GFRA1: variants seen among roughly 807,000 people sequenced by gnomAD.
GFRA1 encodes the protein GDNF family receptor alpha 1, also known as GDNF family receptor alpha-1.
In GFRA1, 16 loss-of-function variants were observed where a neutral mutation model predicts 51.6. That is an observed-to-expected ratio of 0.31 (90% CI 0.21 to 0.47). The LOEUF is 0.47. Among genes scored for constraint, GFRA1 ranks in the 20% least tolerant of loss-of-function variants. GFRA1 has a pLI of 1.00. For missense variants in GFRA1, 530 were observed against 594.3 expected, an observed-to-expected ratio of 0.89 and a Z score of 1.13; for synonymous variants, 270 against 241.3, an observed-to-expected ratio of 1.12 and a Z score of -1.10.
chr10:116,118,458 C>T (rs958567024), intron 6 of GFRA1, among the ~76,000 whole-genome samples: 1 of 152,152 alleles, frequency 6.6e-6, no homozygotes, highest in African/African-American at 2.4e-5. Context: ...ATGACAGTCC[C>T]CAAGGCCCCT....
At chr10:116,200,721 T>G (rs553973529) in intron 5 of GFRA1, among the ~76,000 whole-genome samples, 23 of 152,318 alleles carry the variant, frequency 1.5e-4, no homozygotes, top group Non-Finnish European at 2.9e-5. Flanking sequence ...TCTCTGGTCT[T>G]TTTTTATAAG....
In GFRA1 at chr10:116,272,142, C is replaced by A. The variant is rs1219092326; in HGVS notation, c.-113G>T. The A allele has an allele frequency of 1.4e-5, 13 of 950,934 alleles. No individual in the cohort carries two copies. Among genetic ancestry groups the A allele is most frequent in the Non-Finnish European group, 2.2e-5 (13 of 603,512 alleles). 58.9% of individuals were successfully genotyped at this position (950,934 alleles called of 1,614,324 possible). A position where few individuals can be genotyped will look rare whatever the true frequency, so the allele number is the denominator to read the frequency against. ...CCCCGGACAGCTGTGCTGCTCTGGCCGCCCAAAGTTCAGCTCCATCCAGTG... is the reference window on the plus strand; with the variant it reads ...CCCCGGACAGCTGTGCTGCTCTGGCAGCCCAAAGTTCAGCTCCATCCAGTG... On this transcript the variant is annotated 5_prime_UTR_variant, in exon 2 of 11. Coordinates refer to ENST00000355422, the MANE Select transcript of GFRA1 (RefSeq NM_005264.8). This position sits in a 1 kb window ranked among gnomAD's most constrained non-coding sequence, Gnocchi z 4.4.
Position 116,216,991 on chromosome 10 carries a change from G to A in GFRA1, c.419-5346C>T, listed in dbSNP as rs116850828. 5.3e-3 allele frequency among the ~76,000 whole-genome samples: 811 copies of A among 152,252 alleles called. 6 individuals are homozygous for A. Among genetic ancestry groups the A allele is most frequent in the Non-Finnish European group, 7.6e-3 (514 of 68,016 alleles). ...CATGAAGAGTAACAAGAATTCAGTC[G>A]GTACATTTCTTCTGCAAATCTCTGT... On this transcript the variant is annotated intron_variant, in intron 4 of 10. Coordinates refer to ENST00000355422, the MANE Select transcript of GFRA1 (RefSeq NM_005264.8).
At chr10:116,075,647 C>G (rs541894119) in intron 9 of GFRA1, among the ~76,000 whole-genome samples, 70 of 152,022 alleles carry the variant, frequency 4.6e-4, no homozygotes, top group African/African-American at 1.6e-3. Flanking sequence ...GTCTCCTTTT[C>G]TTAAAAAAAA....
At chr10:116,188,807 C>CAAGT (rs1565637370) in intron 5 of GFRA1, among the ~76,000 whole-genome samples, 2 of 149,434 alleles carry the variant, frequency 1.3e-5, no homozygotes, top group Non-Finnish European at 3.0e-5. Context: ...GGCTGAGGCA[C>CAAGT]GAGAATCACT....
At position 116,145,257 on chromosome 10, in the gene GFRA1, C is replaced by T. The variant is rs191545255; in HGVS notation, c.434-19700G>A. ...CACAGACTAGGAAAAGATAGATGGACTCACAAAGTGACAAAATAATGATTT... is the reference window on the plus strand; with the variant it reads ...CACAGACTAGGAAAAGATAGATGGATTCACAAAGTGACAAAATAATGATTT... On this transcript the variant is annotated intron_variant, in intron 5 of 10. Transcript: ENST00000355422. 6.0e-5 allele frequency among the ~76,000 whole-genome samples: 9 copies of T among 149,428 alleles called. No individual in the cohort carries two copies. The East Asian group carries it at 1.6e-3, about 26-fold the overall frequency.
rs149873865 is a variant in GFRA1, at chr10:116,073,570, T to G, written c.1198-7944A>C. On this transcript the variant is annotated intron_variant, in intron 9 of 10. Transcript: ENST00000355422. ...TTGGGGTGAGGGCGGCTGTTTTGTATAGCGAACATTCAGCATTAATGGTAT... is the reference window on the plus strand; with the variant it reads ...TTGGGGTGAGGGCGGCTGTTTTGTAGAGCGAACATTCAGCATTAATGGTAT... 3.9e-4 allele frequency among the ~76,000 whole-genome samples: 60 copies of G among 152,310 alleles called. No homozygotes were observed. In the East Asian group the frequency reaches 9.3e-3, roughly 24 times the overall value.
At chr10:116,123,665 G>A (rs1394058732) in intron 6 of GFRA1, among the ~76,000 whole-genome samples, 1 of 152,146 alleles carries the variant, frequency 6.6e-6, no homozygotes, top group Admixed American at 6.5e-5. Flanking sequence ...CCATCTGCTT[G>A]TCCACTGGCT....
Position 116,244,790 on chromosome 10 carries a change from T to C in GFRA1, c.418+24713A>G, listed in dbSNP as rs1967731310. ...AGAGAAGTAAAAGAATAGAGAAGTA[T>C]TAGAAGAGGGTAATTGCAAAATTTT... On this transcript the variant is annotated intron_variant, in intron 4 of 10. Transcript: ENST00000355422. Among the ~76,000 whole-genome samples, 6 of 151,966 alleles carry C rather than the reference T, an allele frequency of 3.9e-5. No homozygotes were observed. The South Asian group carries it at 1.2e-3, about 32-fold the overall frequency.
chr10:116,217,882 AT>A (rs1399497703), intron 4 of GFRA1, among the ~76,000 whole-genome samples: 5 of 152,220 alleles, frequency 3.3e-5, no homozygotes, highest in Non-Finnish European at 1.5e-5. Context: ...TAGTATTATT[AT>A]TCAAAAAACA....
intron 5 of GFRA1, among the ~76,000 whole-genome samples, chr10:116,148,504 C>A (rs1182549962): frequency 1.1e-4 from 1 of 9,490 alleles, no homozygotes; most frequent in African/African-American, 4.1e-4. Context: ...AATAACAGTA[C>A]AAACCTCAGG....
In GFRA1 at chr10:116,058,808, T is replaced by C. The variant is rs1954670784; in HGVS notation, c.*5590A>G. 6.6e-6 allele frequency: 1 copy of C among 152,196 alleles called. No individual in the cohort carries two copies. Among genetic ancestry groups the C allele is most frequent in the Non-Finnish European group, 1.5e-5 (1 of 68,058 alleles). The allele number at this position is 152,196 out of a possible 1,614,324, so 9.4% of individuals were successfully genotyped here. A position where few individuals can be genotyped will look rare whatever the true frequency, so the allele number is the denominator to read the frequency against. On this transcript the variant is annotated 3_prime_UTR_variant, in exon 11 of 11. Transcript: ENST00000355422. ...TTGATGTTGCTTCTCAGGATACTGA[T>C]GGAGAAGTTGTCACCCCTGGGGTTT... is the stretch of plus-strand genomic sequence containing the variant.
chr10:116,166,780 C>CTTTTTTTTT (rs530399969), intron 5 of GFRA1, among the ~76,000 whole-genome samples: 3 of 76,384 alleles, frequency 3.9e-5, no homozygotes, highest in African/African-American at 1.2e-4. Flanking sequence ...CAACAATCTT[C>CTTTTTTTTT]TTTTTTTTTT....
At chr10:116,106,909 T>C (rs1957028384) in intron 6 of GFRA1, among the ~76,000 whole-genome samples, 1 of 152,178 alleles carries the variant, frequency 6.6e-6, no homozygotes, top group African/African-American at 2.4e-5. Flanking sequence ...GTGGCACCTC[T>C]TCCTTCCTCC....
intron 5 of GFRA1, among the ~76,000 whole-genome samples, chr10:116,150,756 A>C (rs1271807637): frequency 6.6e-6 from 1 of 152,172 alleles, no homozygotes; most frequent in African/African-American, 2.4e-5. Context: ...GCCAAATCCT[A>C]GAAAATGTAG....
chr10:116,143,979 A>G (rs1400918648), intron 5 of GFRA1, among the ~76,000 whole-genome samples: 1 of 152,152 alleles, frequency 6.6e-6, no homozygotes, highest in Non-Finnish European at 1.5e-5. Flanking sequence ...GAGGCTCTGA[A>G]TGACATCCCA....
chr10:116,270,771 G>T (rs775369177), intron 3 of GFRA1, 51 bp downstream of exon 3: 2 of 1,508,876 alleles, frequency 1.3e-6, no homozygotes. Context: ...CGAAAGGCCC[G>T]CCTGCCTTCG....
At chr10:116,178,281 T>A (rs1193388966) in intron 5 of GFRA1, among the ~76,000 whole-genome samples, 1 of 113,066 alleles carries the variant, frequency 8.8e-6, no homozygotes, top group Non-Finnish European at 1.8e-5. Context: ...CCCTGGAGCA[T>A]GTGAGCCCAC....
chr10:116,061,798 T>G lies in GFRA1; in HGVS notation c.*2600A>C. Reference sequence around the variant, plus strand: ...GAAGAAGTGAGACAGGTAAATGATTTAACTTATTGTGCTCCAGTTCTGGGG... The same window carrying G: ...GAAGAAGTGAGACAGGTAAATGATTGAACTTATTGTGCTCCAGTTCTGGGG... On this transcript the variant is annotated 3_prime_UTR_variant, in exon 11 of 11. Coordinates refer to ENST00000355422, the MANE Select transcript of GFRA1 (RefSeq NM_005264.8). 1 of 394,510 alleles carries G rather than the reference T, an allele frequency of 2.5e-6. No individual in the cohort carries two copies. Among genetic ancestry groups the G allele is most frequent in the East Asian group, 3.6e-5 (1 of 27,904 alleles). 24.4% of individuals were successfully genotyped at this position (394,510 alleles called of 1,614,324 possible). A position where few individuals can be genotyped will look rare whatever the true frequency, so the allele number is the denominator to read the frequency against.
Sources: gnomAD v4.1 joint callset for allele counts (sites outside exome capture counted in the v4.1 genomes callset) on GRCh38, gnomAD v4.1.1 for gene constraint, Gnocchi (gnomAD v3.1) non-coding constraint, MANE v1.5 for transcripts, NCBI Gene and HGNC (gene_info 2026-07-23, HGNC 2026-07-21) for gene names.